Variants in HIPK2 observed in about 807,000 individuals in gnomAD.
The protein encoded by HIPK2 is homeodomain-interacting protein kinase 2.
In HIPK2, 27 loss-of-function variants were observed where a neutral mutation model predicts 113.7. That is an observed-to-expected ratio of 0.24 (90% CI 0.17 to 0.33). The LOEUF is 0.33. Among genes scored for constraint, HIPK2 ranks in the 10% least tolerant of loss-of-function variants. The pLI, the probability that HIPK2 is intolerant of heterozygous loss-of-function variation, is 1.00. For missense variants in HIPK2, 1,257 were observed against 1,588.0 expected, an observed-to-expected ratio of 0.79 and a Z score of 3.54; for synonymous variants, 631 against 642.2, an observed-to-expected ratio of 0.98 and a Z score of 0.26.
intron 13 of HIPK2, among the ~76,000 whole-genome samples, chr7:139,575,618 G>C (rs979071257): frequency 1.3e-5 from 2 of 152,250 alleles, no homozygotes; most frequent in African/African-American, 4.8e-5. Flanking sequence ...GTTACTTTCA[G>C]CATCTGGAAA....
intron 14 of HIPK2, 110 bp downstream of exon 14, chr7:139,575,018 A>T: frequency 7.3e-7 from 1 of 1,376,714 alleles, no homozygotes; most frequent in Non-Finnish European, 9.6e-7. Flanking sequence ...CGTGGCCAGG[A>T]CTGCAGCCCT....
chr7:139,726,303 T>G (rs1387465596), intron 1 of HIPK2, among the ~76,000 whole-genome samples: 1 of 152,036 alleles, frequency 6.6e-6, no homozygotes, highest in Non-Finnish European at 1.5e-5. Context: ...GGACCCGGAC[T>G]AAGGAACTGC....
Position 139,714,004 on chromosome 7 carries a change from GCC to G in HIPK2, c.1103+1926_1103+1927del, listed in dbSNP as rs1195555305. 6.6e-6 allele frequency among the ~76,000 whole-genome samples: 1 copy of G among 152,176 alleles called. No individual in the cohort carries two copies. Among genetic ancestry groups the G allele is most frequent in the Non-Finnish European group, 1.5e-5 (1 of 68,036 alleles). On this transcript the variant is annotated intron_variant, in intron 2 of 14. Coordinates refer to ENST00000406875, the MANE Select transcript of HIPK2 (RefSeq NM_022740.5). The surrounding 1 kb of genome is among the most constrained non-coding windows in gnomAD (Gnocchi z 4.2). ...CTTCTTGTCTTCCTTGGAGGCTCCT[GCC>G]CTGGGCTTACTTCTCCCTGCCATTG...
At chr7:139,668,669 G>GA (rs1802148331) in intron 2 of HIPK2, among the ~76,000 whole-genome samples, 1 of 152,040 alleles carries the variant, frequency 6.6e-6, no homozygotes, top group Non-Finnish European at 1.5e-5. Flanking sequence ...AGTTTGATTA[G>GA]AAAAAATTAA....
intron 2 of HIPK2, among the ~76,000 whole-genome samples, chr7:139,677,167 T>C (rs1194604724): frequency 6.6e-6 from 1 of 151,784 alleles, no homozygotes; most frequent in Non-Finnish European, 1.5e-5. Flanking sequence ...GGCCAAACCA[T>C]AGTATTTCTA....
At chr7:139,584,706 G>C (rs575671415) in intron 12 of HIPK2, among the ~76,000 whole-genome samples, 1 of 151,070 alleles carries the variant, frequency 6.6e-6, no homozygotes, top group South Asian at 2.1e-4. Flanking sequence ...TGTGGGCTGT[G>C]TGCAGGCCAC....
chr7:139,722,055 A>G, intron 1 of HIPK2: 1 of 478,212 alleles, frequency 2.1e-6, no homozygotes, highest in Non-Finnish European at 4.2e-6. Context: ...ATAAACACTG[A>G]ATCTCAGATA....
chr7:139,701,586 C>T (rs946405040), intron 2 of HIPK2, among the ~76,000 whole-genome samples: 1 of 152,176 alleles, frequency 6.6e-6, no homozygotes, highest in African/African-American at 2.4e-5. Context: ...CCAAGGGTGG[C>T]AGGCCATTCG....
intron 2 of HIPK2, among the ~76,000 whole-genome samples, chr7:139,690,523 C>T (rs1251125667): frequency 6.6e-6 from 1 of 151,974 alleles, no homozygotes; most frequent in Non-Finnish European, 1.5e-5. Flanking sequence ...TATTTGTTCC[C>T]ACGAGAGCTA....
intron 1 of HIPK2, among the ~76,000 whole-genome samples, chr7:139,735,671 G>T (rs901112530): frequency 6.6e-5 from 10 of 152,224 alleles, no homozygotes; most frequent in African/African-American, 2.4e-4. Flanking sequence ...GTTGCCCATT[G>T]AACGGTGCAG....
In HIPK2 at chr7:139,665,605, T is replaced by TCCATCCAC. The variant is rs1554440733; in HGVS notation, c.1104-33881_1104-33880insGTGGATGG. Among the ~76,000 whole-genome samples the TCCATCCAC allele has an allele frequency of 6.1e-3, 906 of 149,580 alleles. 3 individuals are homozygous for TCCATCCAC. The highest frequency in any genetic ancestry group is 0.01 in the Admixed American group (158 of 15,048). On this transcript the variant is annotated intron_variant, in intron 2 of 14. Coordinates refer to ENST00000406875, the MANE Select transcript of HIPK2 (RefSeq NM_022740.5). ...ATCCATCCATCCATCCATCCATCCA[T>TCCATCCAC]CCACCCATGGTGCTTAGTCACAATT... is the stretch of plus-strand genomic sequence containing the variant.
intron 12 of HIPK2, among the ~76,000 whole-genome samples, chr7:139,594,947 G>A (rs936179497): frequency 2.0e-5 from 3 of 152,078 alleles, no homozygotes; most frequent in Admixed American, 2.0e-4. Flanking sequence ...CTTTCTGGGG[G>A]CCTTAGGGGC....
At chr7:139,753,968 A>T (rs960005600) in intron 1 of HIPK2, among the ~76,000 whole-genome samples, 3 of 152,262 alleles carry the variant, frequency 2.0e-5, no homozygotes, top group Non-Finnish European at 4.4e-5. Flanking sequence ...GAATGGCCAG[A>T]GAGCAGGAGG....
chr7:139,718,501 T>C (rs1795313082), intron 1 of HIPK2, among the ~76,000 whole-genome samples: 1 of 152,212 alleles, frequency 6.6e-6, no homozygotes, highest in Non-Finnish European at 1.5e-5. Context: ...TTTCAGAACA[T>C]TCCTGAATCT....
intron 2 of HIPK2, among the ~76,000 whole-genome samples, chr7:139,670,395 GC>G (rs1569470085): frequency 6.7e-6 from 1 of 150,154 alleles, no homozygotes; most frequent in Non-Finnish European, 1.5e-5. Flanking sequence ...ACCAGCCAGG[GC>G]ATCATAACGA....
chr7:139,755,130 G>C (rs1468532579), intron 1 of HIPK2, among the ~76,000 whole-genome samples: 1 of 152,158 alleles, frequency 6.6e-6, no homozygotes, highest in African/African-American at 2.4e-5. Context: ...TTAGGCACTG[G>C]CACACACCAT....
At chr7:139,622,752 G>T (rs1475501742) in intron 6 of HIPK2, among the ~76,000 whole-genome samples, 1 of 152,112 alleles carries the variant, frequency 6.6e-6, no homozygotes, top group African/African-American at 2.4e-5. Flanking sequence ...AGAACTTTAG[G>T]GATCAGGCCT....
At chr7:139,685,970 CT>C (rs573345903) in intron 2 of HIPK2, among the ~76,000 whole-genome samples, 154 of 152,340 alleles carry the variant, frequency 1.0e-3, no homozygotes, top group African/African-American at 3.4e-3. Context: ...AGAAACACAT[CT>C]TGTAAGCCTA....
chr7:139,610,613 C>T (rs1799780914), intron 9 of HIPK2, among the ~76,000 whole-genome samples: 1 of 151,620 alleles, frequency 6.6e-6, no homozygotes, highest in African/African-American at 2.4e-5. Context: ...TGTTAGTGGT[C>T]AACTGCACAG....
Sources: allele counts gnomAD v4.1 joint callset (sites outside exome capture counted in the v4.1 genomes callset), GRCh38; gene constraint gnomAD v4.1.1; non-coding constraint Gnocchi (gnomAD v3.1); transcripts MANE v1.5; gene names NCBI Gene and HGNC (gene_info 2026-07-23, HGNC 2026-07-21).